ERI1: variants seen among roughly 807,000 people sequenced by gnomAD.
ERI1 encodes the protein 3'-5' exoribonuclease 1.
Under a neutral mutation model 39.7 loss-of-function variants are expected in ERI1, and 39 were observed. The ratio of observed to expected loss-of-function variants is 0.98; its 90% CI spans 0.76 to 1.28. The LOEUF (loss-of-function observed/expected upper bound fraction) is 1.28. Among genes scored for constraint, ERI1 ranks in the 50% most tolerant of loss-of-function variants. ERI1 has a pLI of 0.00. For missense variants in ERI1, 581 were observed against 416.9 expected, an observed-to-expected ratio of 1.39 and a Z score of -3.43; for synonymous variants, 204 against 149.6, an observed-to-expected ratio of 1.36 and a Z score of -2.65.
intron 4 of ERI1, among the ~76,000 whole-genome samples, chr8:9,017,192 A>G (rs550804693): frequency 6.6e-6 from 1 of 152,084 alleles, no homozygotes; most frequent in African/African-American, 2.4e-5. Context: ...GGCACACACC[A>G]CGATGATTGG....
chr8:9,093,309 C>G (rs2117483917), intron 3 of ERI1, among the ~76,000 whole-genome samples: 1 of 152,246 alleles, frequency 6.6e-6, no homozygotes, highest in East Asian at 1.9e-4. Context: ...GGGCCATATT[C>G]AAAGCCGTCC....
At chr8:9,097,542 G>T (rs1057094454) in intron 3 of ERI1, among the ~76,000 whole-genome samples, 6 of 152,002 alleles carry the variant, frequency 3.9e-5, no homozygotes, top group African/African-American at 9.7e-5. Flanking sequence ...GGTGGCGTGC[G>T]CCTGTAGTCC....
chr8:9,067,537 C>A (rs924535379), intron 3 of ERI1, among the ~76,000 whole-genome samples: 1 of 151,762 alleles, frequency 6.6e-6, no homozygotes, highest in South Asian at 2.1e-4. Context: ...CACCTATTGT[C>A]CTAGCTACTT....
intron 6 of ERI1, among the ~76,000 whole-genome samples, chr8:9,025,849 C>G (rs2117278813): frequency 6.6e-6 from 1 of 151,866 alleles, no homozygotes; most frequent in Middle Eastern, 3.4e-3. Context: ...AATGAGATAC[C>G]TTAGAGATAG....
intron 1 of ERI1, 36 bp from the exon 2 acceptor site, chr8:9,007,933 TC>T (rs1393686541): frequency 1.7e-6 from 2 of 1,180,360 alleles, no homozygotes; most frequent in Non-Finnish European, 2.3e-6. Context: ...ATAAACTACA[TC>T]CTTTTTTTTT....
chr8:9,076,569 A>T, intron 3 of ERI1, among the ~76,000 whole-genome samples: 1 of 152,216 alleles, frequency 6.6e-6, no homozygotes, highest in East Asian at 1.9e-4. Context: ...TGGGTGGGGG[A>T]TTAAGTTCTT....
At chr8:9,004,610 G>C (rs2117166291) in intron 1 of ERI1, among the ~76,000 whole-genome samples, 1 of 150,914 alleles carries the variant, frequency 6.6e-6, no homozygotes, top group East Asian at 2.0e-4. Context: ...GCTGCAGTGA[G>C]CTGTGATCGT....
chr8:9,090,626 G>C (rs1204985723), intron 3 of ERI1, among the ~76,000 whole-genome samples: 1 of 152,164 alleles, frequency 6.6e-6, no homozygotes, highest in Non-Finnish European at 1.5e-5. Context: ...TAGGACAAAA[G>C]AGAAGAAATG....
Position 9,032,348 on chromosome 8 carries a change from C to G in ERI1, c.*2314C>G, listed in dbSNP as rs958971676. On this transcript the variant is annotated 3_prime_UTR_variant, in exon 7 of 7. Transcript: ENST00000250263. ...TAACTTTTATTCTATGCTTCATATG[C>G]TCTGACATTGACATAGTGGATTTCT... The G allele has an allele frequency of 6.6e-6, 1 of 152,132 alleles. No individual in the cohort carries two copies. Among genetic ancestry groups the G allele is most frequent in the African/African-American group, 2.4e-5 (1 of 41,426 alleles). 9.4% of individuals were successfully genotyped at this position (152,132 alleles called of 1,614,324 possible).
At chr8:9,039,905 T>C (rs1797962876) in intron 3 of ERI1, among the ~76,000 whole-genome samples, 1 of 152,224 alleles carries the variant, frequency 6.6e-6, no homozygotes, top group African/African-American at 2.4e-5. Context: ...TTTTCATTTT[T>C]TGTGAGCAGT....
chr8:9,074,360 A>G (rs1335999377), intron 3 of ERI1, among the ~76,000 whole-genome samples: 2 of 151,790 alleles, frequency 1.3e-5, no homozygotes, highest in Admixed American at 6.6e-5. Context: ...CCTGACCTCA[A>G]GTGATCTGCC....
chr8:9,046,132 T>G (rs1798167688), intron 3 of ERI1, among the ~76,000 whole-genome samples: 1 of 152,198 alleles, frequency 6.6e-6, no homozygotes, highest in Non-Finnish European at 1.5e-5. Context: ...CTGGAGACCT[T>G]GGCTGAGAGG....
chr8:9,086,411 G>A (rs1436564398), intron 3 of ERI1, among the ~76,000 whole-genome samples: 1 of 152,022 alleles, frequency 6.6e-6, no homozygotes, highest in South Asian at 2.1e-4. Flanking sequence ...CTAGATGGGT[G>A]TGGTGATGTG....
intron 5 of ERI1, among the ~76,000 whole-genome samples, chr8:9,019,284 A>G (rs1054061425): frequency 2.0e-5 from 3 of 152,226 alleles, no homozygotes; most frequent in East Asian, 1.9e-4. Context: ...GTTATCCTCT[A>G]TACCTGAGAT....
intron 3 of ERI1, among the ~76,000 whole-genome samples, chr8:9,046,844 G>A (rs996144098): frequency 2.6e-5 from 4 of 152,178 alleles, no homozygotes; most frequent in Non-Finnish European, 5.9e-5. Flanking sequence ...CTCCCCTTGG[G>A]AAGAGGAAAT....
Position 9,030,365 on chromosome 8 carries a change from T to C in ERI1, c.*331T>C, listed in dbSNP as rs1797502029. On this transcript the variant is annotated 3_prime_UTR_variant, in exon 7 of 7. Transcript: ENST00000250263. ...ATTGGCTGTTCTGTTGAATGTCATATCTTACTGGTGTTTAAATATGTAATG... is the reference window on the plus strand; with the variant it reads ...ATTGGCTGTTCTGTTGAATGTCATACCTTACTGGTGTTTAAATATGTAATG... 1 of 242,898 alleles carries C rather than the reference T, an allele frequency of 4.1e-6. No homozygotes were observed. The allele number at this position is 242,898 out of a possible 1,614,324, so 15.0% of individuals were successfully genotyped here.
At chr8:9,093,522 AG>A (rs1288944904) in intron 3 of ERI1, among the ~76,000 whole-genome samples, 39 of 139,230 alleles carry the variant, frequency 2.8e-4, no homozygotes, top group Middle Eastern at 3.8e-3. Flanking sequence ...AAAAAAAAAA[AG>A]AAGAAGAAGA....
At chr8:9,083,736 T>C (rs1799438179) in intron 3 of ERI1, among the ~76,000 whole-genome samples, 1 of 151,858 alleles carries the variant, frequency 6.6e-6, no homozygotes, top group African/African-American at 2.4e-5. Context: ...GGAGAATTGC[T>C]TGAATCCAGG....
At chr8:9,038,632 C>T (rs1206450921) in intron 3 of ERI1, among the ~76,000 whole-genome samples, 1 of 152,114 alleles carries the variant, frequency 6.6e-6, no homozygotes, top group Non-Finnish European at 1.5e-5. Context: ...TGGCACAAGC[C>T]TGTAGTCCCA....
Sources: gnomAD v4.1 joint callset for allele counts (sites outside exome capture counted in the v4.1 genomes callset) on GRCh38, gnomAD v4.1.1 for gene constraint, MANE v1.5 for transcripts, NCBI Gene and HGNC (gene_info 2026-07-23, HGNC 2026-07-21) for gene names.